Variants in ANKIB1 observed in about 807,000 individuals in gnomAD.
The protein encoded by ANKIB1 is ankyrin repeat and IBR domain-containing protein 1.
ANKIB1 carries 43 observed loss-of-function variants against 122.1 expected under a neutral mutation model. The observed-to-expected ratio is 0.35, with a 90% CI of 0.28 to 0.45. ANKIB1 has a LOEUF of 0.45. ANKIB1 is among the 20% of genes least tolerant of loss of function. The pLI, the probability that ANKIB1 is intolerant of heterozygous loss-of-function variation, is 1.00. For synonymous variants in ANKIB1, 390 were observed against 442.0 expected (o/e 0.88, Z 1.48); for missense variants, 992 against 1,329.5 (o/e 0.75, Z 3.95).
chr7:92,361,236 G>A (rs1030449720), intron 9 of ANKIB1, among the ~76,000 whole-genome samples: 1 of 152,112 alleles, frequency 6.6e-6, no homozygotes, highest in African/African-American at 2.4e-5. Flanking sequence ...TTCTTAAATA[G>A]CTATGGAAAG....
chr7:92,309,141 T>C (rs1802632879), intron 3 of ANKIB1, among the ~76,000 whole-genome samples: 1 of 152,242 alleles, frequency 6.6e-6, no homozygotes, highest in South Asian at 2.1e-4. Context: ...TTGTGATACT[T>C]GCTAATCTTT....
At chr7:92,353,241 T>C (rs1803703401) in intron 9 of ANKIB1, among the ~76,000 whole-genome samples, 1 of 152,190 alleles carries the variant, frequency 6.6e-6, no homozygotes, top group Non-Finnish European at 1.5e-5. Flanking sequence ...TGAACAGTTC[T>C]AGTCAGGAAT....
chr7:92,365,890 G>A (rs748076071), intron 10 of ANKIB1, among the ~76,000 whole-genome samples: 2 of 118,566 alleles, frequency 1.7e-5, no homozygotes, highest in Non-Finnish European at 3.2e-5. Flanking sequence ...TCCGCCTCCC[G>A]GGTTCACTCT....
At chr7:92,363,813 C>G (rs561158808) in intron 10 of ANKIB1, among the ~76,000 whole-genome samples, 2 of 152,312 alleles carry the variant, frequency 1.3e-5, no homozygotes, top group Admixed American at 1.3e-4. Context: ...TCCACTGACT[C>G]AGGGTTATTC....
rs373699878 is a variant in ANKIB1 at position 92,326,704 on chromosome 7, A to G, written c.670-1079A>G. Among the ~76,000 whole-genome samples, 48 of 152,300 alleles carry G rather than the reference A, an allele frequency of 3.2e-4. 1 individual carries two copies. The highest frequency in any genetic ancestry group is 9.9e-4 in the African/African-American group (41 of 41,562). ...ATTAGCTTAAAAGCAAATTGTATGT[A>G]ATAGTTTGGGGCTTTTCTAAAGATA... On this transcript the variant is annotated intron_variant, in intron 4 of 19. Transcript: ENST00000265742.
chr7:92,391,109 T>A, intron 15 of ANKIB1, 57 bp from the exon 16 acceptor site: 1 of 1,424,104 alleles, frequency 7.0e-7, no homozygotes, highest in Non-Finnish European at 9.4e-7. Context: ...GACCCTGGAT[T>A]TGCTATTGAT....
chr7:92,271,046 A>T (rs1801780388), intron 1 of ANKIB1, among the ~76,000 whole-genome samples: 2 of 151,856 alleles, frequency 1.3e-5, no homozygotes, highest in African/African-American at 4.8e-5. Context: ...AGGTCATGAA[A>T]ATTTTCTCCT....
intron 17 of ANKIB1, 129 bp downstream of exon 17, chr7:92,392,421 A>C: frequency 1.4e-6 from 1 of 725,826 alleles, no homozygotes; most frequent in South Asian, 2.7e-5. Context: ...TGTAACAAAA[A>C]TGCCTTGACA....
chr7:92,355,588 G>A (rs529964990), intron 9 of ANKIB1, among the ~76,000 whole-genome samples: 2 of 151,966 alleles, frequency 1.3e-5, no homozygotes, highest in South Asian at 2.1e-4. Flanking sequence ...GGTGGCTCAC[G>A]CCTGTAATCC....
intron 14 of ANKIB1, among the ~76,000 whole-genome samples, chr7:92,389,314 T>G (rs2115703629): frequency 1.3e-5 from 2 of 152,196 alleles, no homozygotes; most frequent in Middle Eastern, 6.8e-3. Context: ...TTCTCATGCT[T>G]AATTTCTGGT....
chr7:92,290,279 C>T (rs1376923788), intron 1 of ANKIB1, among the ~76,000 whole-genome samples: 1 of 152,134 alleles, frequency 6.6e-6, no homozygotes, highest in Non-Finnish European at 1.5e-5. Context: ...GCCTGTTTCT[C>T]TACTGGCTAA....
intron 9 of ANKIB1, among the ~76,000 whole-genome samples, chr7:92,359,271 T>TATGCA (rs1803891131): frequency 6.6e-6 from 1 of 152,180 alleles, no homozygotes; most frequent in Admixed American, 6.5e-5. Flanking sequence ...CCACCCTGTG[T>TATGCA]CCATGTGTTC....
At position 92,327,834 on chromosome 7, in the gene ANKIB1, A is replaced by G; in HGVS notation, c.721A>G (p.Ile241Val). The G allele has an allele frequency of 6.3e-7, 1 of 1,593,640 alleles. No homozygotes were observed. Among genetic ancestry groups the G allele is most frequent in the Non-Finnish European group, 8.5e-7 (1 of 1,174,744 alleles). The change falls in exon 5 of 20, where the codon ATT becomes GTT. Residue 241 changes from isoleucine to valine, a missense_variant. By Grantham distance (29) the Ile-to-Val change is conservative. Coordinates refer to ENST00000265742, the MANE Select transcript of ANKIB1 (RefSeq NM_019004.2). ...TCTTCGTAGACTAAAAGATATGCTT[A>G]TTGTGGAAACTGCAGACATGCTTCA... ...QDLRRLKDML[I>V]VETADMLQAP...
intron 5 of ANKIB1, among the ~76,000 whole-genome samples, chr7:92,330,674 C>G (rs1007268725): frequency 2.0e-5 from 3 of 152,014 alleles, no homozygotes; most frequent in African/African-American, 7.2e-5. Flanking sequence ...AACCCCGTCT[C>G]TACTAAAAAT....
At position 92,282,920 on chromosome 7, in the gene ANKIB1, G is replaced by A. The variant is rs185609365; in HGVS notation, c.-90-11969G>A. Among the ~76,000 whole-genome samples, 6 of 152,198 alleles carry A rather than the reference G, an allele frequency of 3.9e-5. No homozygotes were observed. In the East Asian group the frequency reaches 7.7e-4, roughly 20 times the overall value. The stretch of plus-strand genomic sequence containing the variant: ...ATACAGTAGTTGTATTCCAAGTTTC[G>A]ACAGTTTTCTGCTTGTAGACCTCAT... On this transcript the variant is annotated intron_variant, in intron 1 of 19. Transcript: ENST00000265742.
chr7:92,327,325 A>T (rs763514026), intron 4 of ANKIB1, among the ~76,000 whole-genome samples: 7 of 152,218 alleles, frequency 4.6e-5, no homozygotes, highest in Non-Finnish European at 8.8e-5. Context: ...GAACTTTAAT[A>T]ACCAAATTTA....
At chr7:92,347,135 A>G (rs1803557485) in intron 7 of ANKIB1, among the ~76,000 whole-genome samples, 1 of 152,222 alleles carries the variant, frequency 6.6e-6, no homozygotes, top group Non-Finnish European at 1.5e-5. Flanking sequence ...AATCTATCTT[A>G]TTCTTCCCAA....
chr7:92,268,160 T>C (rs1477245078), intron 1 of ANKIB1, among the ~76,000 whole-genome samples: 2 of 152,250 alleles, frequency 1.3e-5, no homozygotes, highest in Non-Finnish European at 2.9e-5. Flanking sequence ...CATGGATATT[T>C]AGTTGTTTCA....
intron 17 of ANKIB1, among the ~76,000 whole-genome samples, chr7:92,395,538 C>CTTTTTT (rs35028119): frequency 2.9e-4 from 31 of 108,268 alleles, no homozygotes; most frequent in Non-Finnish European, 4.2e-4. Context: ...ATCCCAGTCA[C>CTTTTTT]TTTTTTTTTT....
Sources: gnomAD v4.1 joint callset for allele counts (sites outside exome capture counted in the v4.1 genomes callset) on GRCh38, gnomAD v4.1.1 for gene constraint, MANE v1.5 for transcripts, NCBI Gene and HGNC (gene_info 2026-07-23, HGNC 2026-07-21) for gene names.